DSCAML1: variants seen among roughly 807,000 people sequenced by gnomAD.
DSCAML1 encodes DS cell adhesion molecule like 1, also known as cell adhesion molecule DSCAML1.
DSCAML1 carries 38 observed loss-of-function variants against 200.5 expected under a neutral mutation model. That is an observed-to-expected ratio of 0.19 (90% CI 0.15 to 0.25). DSCAML1 has a LOEUF of 0.25. Ranked by LOEUF, DSCAML1 falls within the 10% of genes least tolerant of loss-of-function variation. DSCAML1 has a pLI of 1.00. For missense variants in DSCAML1, 2,223 were observed against 2,858.8 expected (o/e 0.78, Z 5.07); for synonymous variants, 1,215 against 1,165.0 (o/e 1.04, Z -0.87).
intron 3 of DSCAML1, among the ~76,000 whole-genome samples, chr11:117,648,035 G>A (rs948928861): frequency 6.6e-6 from 1 of 152,160 alleles, no homozygotes; most frequent in Non-Finnish European, 1.5e-5. Context: ...GTGGGTGGTC[G>A]TGCCAGTCAG....
At chr11:117,450,157 C>T (rs1465679229) in intron 20 of DSCAML1, among the ~76,000 whole-genome samples, 1 of 152,224 alleles carries the variant, frequency 6.6e-6, no homozygotes, top group Non-Finnish European at 1.5e-5. Context: ...CCAACAGCAC[C>T]TCCAAGCCCA....
intron 3 of DSCAML1, among the ~76,000 whole-genome samples, chr11:117,629,020 G>A (rs888130108): frequency 1.3e-5 from 2 of 152,142 alleles, no homozygotes; most frequent in Non-Finnish European, 2.9e-5. Flanking sequence ...GGATGCAGTG[G>A]TCAGGATGGG....
chr11:117,763,100 G>A (rs1322387468), intron 3 of DSCAML1, among the ~76,000 whole-genome samples: 1 of 152,110 alleles, frequency 6.6e-6, no homozygotes, highest in African/African-American at 2.4e-5. Flanking sequence ...TGGGGTTAGG[G>A]CCAGCAGCCC....
At chr11:117,732,882 G>A (rs999262254) in intron 3 of DSCAML1, among the ~76,000 whole-genome samples, 1 of 151,700 alleles carries the variant, frequency 6.6e-6, no homozygotes, top group African/African-American at 2.4e-5. Context: ...CAGATCCTAC[G>A]AACGTCGGTA....
intron 3 of DSCAML1, among the ~76,000 whole-genome samples, chr11:117,592,838 G>C (rs533109460): frequency 6.6e-6 from 1 of 152,356 alleles, no homozygotes; most frequent in South Asian, 2.1e-4. Context: ...TGCTTCCAGA[G>C]ACCAGGCTCC....
intron 3 of DSCAML1, among the ~76,000 whole-genome samples, chr11:117,619,917 C>A (rs1462360817): frequency 6.6e-6 from 1 of 152,190 alleles, no homozygotes; most frequent in Non-Finnish European, 1.5e-5. Context: ...AATTCTGACT[C>A]TTCTATGTAT....
At chr11:117,458,957 GCCCCTGCTGCTA>G (rs890189712) in intron 18 of DSCAML1, 48 bp from the exon 19 acceptor site, 2 of 1,590,198 alleles carry the variant, frequency 1.3e-6, no homozygotes, top group Non-Finnish European at 1.7e-6. Flanking sequence ...TCGGGCTGTG[GCCCCTGCTGCTA>G]CCCCTGCTGC....
At chr11:117,439,535 G>T in intron 22 of DSCAML1, 106 bp from the exon 23 acceptor site, 1 of 1,404,636 alleles carries the variant, frequency 7.1e-7, no homozygotes, top group Non-Finnish European at 9.6e-7. Context: ...AAGGAGGCTC[G>T]CCAGGGAACG....
At chr11:117,720,761 G>A (rs975867070) in intron 3 of DSCAML1, among the ~76,000 whole-genome samples, 1 of 152,256 alleles carries the variant, frequency 6.6e-6, no homozygotes, top group South Asian at 2.1e-4. Flanking sequence ...GGCTTGAGCA[G>A]GGTGTGTGAG....
chr11:117,691,858 T>C (rs2137721222), intron 3 of DSCAML1, among the ~76,000 whole-genome samples: 1 of 151,652 alleles, frequency 6.6e-6, no homozygotes, highest in East Asian at 2.0e-4. Context: ...GAGATGGGAG[T>C]GGAATCCCAC....
At chr11:117,428,860 C>T (rs914739788) in intron 32 of DSCAML1, 57 bp from the exon 33 acceptor site, 10 of 1,481,936 alleles carry the variant, frequency 6.7e-6, no homozygotes, top group Admixed American at 2.0e-5. Flanking sequence ...GGAAGCAGCT[C>T]GTTCAGCCCC....
At chr11:117,731,041 G>C (rs142516518) in intron 3 of DSCAML1, among the ~76,000 whole-genome samples, 249 of 152,226 alleles carry the variant, frequency 1.6e-3, no homozygotes, top group African/African-American at 5.3e-3. Context: ...TTCCTTTAAG[G>C]GTGATGAGGA....
chr11:117,535,452 AC>A (rs1213638562), intron 3 of DSCAML1, among the ~76,000 whole-genome samples: 2 of 151,964 alleles, frequency 1.3e-5, no homozygotes, highest in Non-Finnish European at 1.5e-5. Context: ...CAGCACACAG[AC>A]CACAGCCGGG....
chr11:117,434,526 G>T (rs1358842955), intron 27 of DSCAML1, among the ~76,000 whole-genome samples: 1 of 150,826 alleles, frequency 6.6e-6, no homozygotes, highest in South Asian at 2.1e-4. Flanking sequence ...ATCCATCCAA[G>T]CATTTGTTCA....
At chr11:117,629,187 A>T (rs759124064) in intron 3 of DSCAML1, among the ~76,000 whole-genome samples, 1 of 152,206 alleles carries the variant, frequency 6.6e-6, no homozygotes, top group Non-Finnish European at 1.5e-5. Context: ...TTCAAGCATA[A>T]ATCTGCTCAA....
At position 117,518,014 on chromosome 11, in the gene DSCAML1, G is replaced by A. The variant is rs1290658159; in HGVS notation, c.1510+452C>T. Among the ~76,000 whole-genome samples the A allele has an allele frequency of 1.3e-5, 2 of 152,188 alleles. No individual in the cohort carries two copies. Among genetic ancestry groups the A allele is most frequent in the African/African-American group, 4.8e-5 (2 of 41,448 alleles). On this transcript the variant is annotated intron_variant, in intron 7 of 32. Transcript: ENST00000651296. The surrounding 1 kb of genome is among the most constrained non-coding windows in gnomAD (Gnocchi z 6.3). ...ATTTTGGGGGCTGGCTCAGTGGGAG[G>A]ACAGAGGGAGCACAGCTTGGGTGGG...
intron 3 of DSCAML1, among the ~76,000 whole-genome samples, chr11:117,703,279 C>T (rs1330654445): frequency 1.3e-5 from 2 of 152,190 alleles, no homozygotes; most frequent in Non-Finnish European, 2.9e-5. Flanking sequence ...GCTGCCTTCA[C>T]CACCCGCCTA....
At chr11:117,695,315 CTT>C (rs753748981) in intron 3 of DSCAML1, among the ~76,000 whole-genome samples, 6,886 of 116,518 alleles carry the variant, frequency 0.059, 339 homozygotes, top group African/African-American at 0.2. Context: ...CTTTCTTTTT[CTT>C]TTTTTTTTTT....
At chr11:117,646,196 A>AT (rs11381254) in intron 3 of DSCAML1, among the ~76,000 whole-genome samples, 7,477 of 148,514 alleles carry the variant, frequency 0.05, 593 homozygotes, top group African/African-American at 0.17. Flanking sequence ...ACAAGTCCTG[A>AT]TTTTTTTTTT....
Sources: allele counts gnomAD v4.1 joint callset (sites outside exome capture counted in the v4.1 genomes callset), GRCh38; gene constraint gnomAD v4.1.1; non-coding constraint Gnocchi (gnomAD v3.1); transcripts MANE v1.5; gene names NCBI Gene and HGNC (gene_info 2026-07-23, HGNC 2026-07-21).